SBF2: variants seen among roughly 807,000 people sequenced by gnomAD.
SBF2 encodes myotubularin-related protein 13.
Under a neutral mutation model 225.2 loss-of-function variants are expected in SBF2, and 112 were observed. The ratio of observed to expected loss-of-function variants is 0.50; its 90% CI spans 0.43 to 0.58. The LOEUF (loss-of-function observed/expected upper bound fraction) is 0.58, where lower values mean the gene tolerates loss of function less well. Among genes scored for constraint, SBF2 ranks in the 20% least tolerant of loss-of-function variants. The pLI, the probability that SBF2 is intolerant of heterozygous loss-of-function variation, is 0.00. For missense variants in SBF2, 1,996 were observed against 2,206.2 expected, an observed-to-expected ratio of 0.90 and a Z score of 1.91; for synonymous variants, 763 against 773.3, an observed-to-expected ratio of 0.99 and a Z score of 0.22.
chr11:9,879,632 T>C (rs946599382), intron 17 of SBF2, among the ~76,000 whole-genome samples: 1 of 151,500 alleles, frequency 6.6e-6, no homozygotes, highest in African/African-American at 2.5e-5. Flanking sequence ...CAATTTATAG[T>C]TGAATTCATG....
intron 2 of SBF2, among the ~76,000 whole-genome samples, chr11:10,188,515 A>C (rs915027755): frequency 6.6e-6 from 1 of 152,160 alleles, no homozygotes. Flanking sequence ...TGAGAGCAGA[A>C]GTGAAGTACG....
chr11:9,892,671 T>G (rs1005353895), intron 17 of SBF2, among the ~76,000 whole-genome samples: 6 of 152,056 alleles, frequency 3.9e-5, no homozygotes, highest in African/African-American at 1.4e-4. Context: ...GCAATTCTCC[T>G]GCCACAGCCT....
At chr11:9,834,731 C>G (rs1458898833) in intron 26 of SBF2, among the ~76,000 whole-genome samples, 1 of 152,292 alleles carries the variant, frequency 6.6e-6, no homozygotes, top group East Asian at 1.9e-4. Flanking sequence ...AATTAGGACC[C>G]TCTATCTCCA....
chr11:9,901,738 G>C (rs1177491692), intron 16 of SBF2, among the ~76,000 whole-genome samples: 1 of 152,118 alleles, frequency 6.6e-6, no homozygotes, highest in Non-Finnish European at 1.5e-5. Flanking sequence ...GCGACCTCCT[G>C]GGCTCAGGTG....
intron 2 of SBF2, among the ~76,000 whole-genome samples, chr11:10,135,828 C>A (rs1376280381): frequency 1.3e-5 from 2 of 152,210 alleles, no homozygotes. Context: ...TCTCCTAAGC[C>A]TTCCAAACTG....
chr11:10,208,998 T>C (rs991164209), intron 1 of SBF2, among the ~76,000 whole-genome samples: 2 of 152,178 alleles, frequency 1.3e-5, no homozygotes, highest in Non-Finnish European at 2.9e-5. Flanking sequence ...AGGAAAGTTA[T>C]TGATTAAAAA....
intron 28 of SBF2, among the ~76,000 whole-genome samples, chr11:9,826,709 G>C (rs1445123953): frequency 1.9e-5 from 2 of 103,592 alleles, no homozygotes; most frequent in African/African-American, 3.9e-5. Context: ...TTAGTGTGTG[G>C]TGTGTATATA....
chr11:10,043,083 C>T, intron 2 of SBF2, 102 bp from the exon 3 acceptor site: 3 of 1,183,532 alleles, frequency 2.5e-6, no homozygotes, highest in South Asian at 1.3e-5. Context: ...CAAATTCCTA[C>T]CTGATGTGGT....
intron 2 of SBF2, among the ~76,000 whole-genome samples, chr11:10,142,981 C>A (rs754158794): frequency 1.6e-4 from 25 of 152,280 alleles, no homozygotes; most frequent in Non-Finnish European, 2.8e-4. Flanking sequence ...ACTCTGCAAA[C>A]CCCTGAACTT....
At chr11:9,816,485 T>C (rs939551930) in intron 29 of SBF2, among the ~76,000 whole-genome samples, 3 of 152,190 alleles carry the variant, frequency 2.0e-5, no homozygotes, top group African/African-American at 4.8e-5. Flanking sequence ...TGTTTTGCCA[T>C]GGGCAGATTC....
chr11:10,007,071 C>T (rs1386554819), intron 6 of SBF2, among the ~76,000 whole-genome samples: 2 of 152,030 alleles, frequency 1.3e-5, no homozygotes, highest in Non-Finnish European at 1.5e-5. Flanking sequence ...GTTAAGGGTA[C>T]GTGGTAAGAC....
At chr11:9,822,151 A>T (rs866477064) in intron 28 of SBF2, among the ~76,000 whole-genome samples, 2 of 152,106 alleles carry the variant, frequency 1.3e-5, no homozygotes, top group Non-Finnish European at 2.9e-5. Context: ...TTAAAAGTCT[A>T]TATTATTTTT....
chr11:10,060,633 CA>C (rs1216670456), intron 2 of SBF2, among the ~76,000 whole-genome samples: 3 of 152,122 alleles, frequency 2.0e-5, no homozygotes, highest in African/African-American at 4.8e-5. Context: ...AAATCCTCAA[CA>C]AAATACTTGC....
At chr11:10,151,444 TA>T (rs1955185765) in intron 2 of SBF2, among the ~76,000 whole-genome samples, 1 of 152,228 alleles carries the variant, frequency 6.6e-6, no homozygotes, top group Non-Finnish European at 1.5e-5. Context: ...ATTCAAATGT[TA>T]CTACTGCATA....
At chr11:10,225,983 T>C (rs1958522024) in intron 1 of SBF2, among the ~76,000 whole-genome samples, 1 of 152,194 alleles carries the variant, frequency 6.6e-6, no homozygotes, top group African/African-American at 2.4e-5. Flanking sequence ...TACCAAATTT[T>C]ATCCAACAGA....
At chr11:9,873,755 G>A (rs755702517) in intron 17 of SBF2, among the ~76,000 whole-genome samples, 1 of 152,158 alleles carries the variant, frequency 6.6e-6, no homozygotes, top group Non-Finnish European at 1.5e-5. Flanking sequence ...TCCCTTGAAA[G>A]AGCATATTTC....
rs1380993493 is a variant in SBF2 at position 9,787,751 on chromosome 11, T to G, written c.4933-13A>C. ...ATTTTTCAATTTCCTGCAAAGAAAT[T>G]AAAAGTTTTCTGATCAGTATTTCAT... On this transcript the variant is annotated splice_polypyrimidine_tract_variant and intron_variant, in intron 35 of 39. Coordinates refer to ENST00000256190, the MANE Select transcript of SBF2 (RefSeq NM_030962.4). The G allele has an allele frequency of 6.2e-7, 1 of 1,610,070 alleles. No homozygotes were observed. The highest frequency in any genetic ancestry group is 1.3e-5 in the African/African-American group (1 of 74,824).
chr11:9,936,581 A>G (rs1482860830), intron 16 of SBF2, among the ~76,000 whole-genome samples: 2 of 152,248 alleles, frequency 1.3e-5, no homozygotes, highest in African/African-American at 4.8e-5. Flanking sequence ...AGACTGGATT[A>G]AGAAAATGTG....
intron 2 of SBF2, among the ~76,000 whole-genome samples, chr11:10,078,174 T>C (rs893833829): frequency 1.3e-5 from 2 of 151,888 alleles, no homozygotes; most frequent in African/African-American, 4.8e-5. Context: ...ATAGAAACGC[T>C]TTTACACTAG....
Sources: gnomAD v4.1 joint callset for allele counts (sites outside exome capture counted in the v4.1 genomes callset) on GRCh38, gnomAD v4.1.1 for gene constraint, MANE v1.5 for transcripts, NCBI Gene and HGNC (gene_info 2026-07-23, HGNC 2026-07-21) for gene names.